AFDN: variants seen among roughly 807,000 people sequenced by gnomAD.
AFDN encodes the protein afadin, adherens junction formation factor.
A neutral mutation model predicts 216.6 loss-of-function variants in AFDN; 68 were observed. That is an observed-to-expected ratio of 0.31 (90% CI 0.26 to 0.38). AFDN has a LOEUF of 0.38. Among genes scored for constraint, AFDN ranks in the 10% least tolerant of loss-of-function variants. The pLI, the probability that AFDN is intolerant of heterozygous loss-of-function variation, is 1.00. For synonymous variants in AFDN, 868 were observed against 853.7 expected, an observed-to-expected ratio of 1.02 and a Z score of -0.29; for missense variants, 2,136 against 2,342.0, an observed-to-expected ratio of 0.91 and a Z score of 1.82.
chr6:167,874,733 A>T (rs926672867), intron 4 of AFDN, among the ~76,000 whole-genome samples: 1 of 150,290 alleles, frequency 6.7e-6, no homozygotes, highest in Non-Finnish European at 1.5e-5. Context: ...CTCCTGCCTC[A>T]GCCTCCCAAG....
chr6:167,871,199 TC>T (rs1562584672), intron 3 of AFDN, among the ~76,000 whole-genome samples: 1 of 151,650 alleles, frequency 6.6e-6, no homozygotes, highest in African/African-American at 2.4e-5. Context: ...ATGTCACTGT[TC>T]CATGTTGAAG....
At chr6:167,862,670 C>T (rs866564380) in intron 1 of AFDN, among the ~76,000 whole-genome samples, 5 of 152,168 alleles carry the variant, frequency 3.3e-5, no homozygotes, top group Admixed American at 6.5e-5. Flanking sequence ...CCACCGTGCC[C>T]GGCAGTTATA....
In AFDN at chr6:167,898,300, C is replaced by T. The variant is rs149965087; in HGVS notation, c.1413C>T (p.Tyr471=). The T allele has an allele frequency of 1.0e-4, 163 of 1,614,066 alleles. 2 individuals carry two copies. Among genetic ancestry groups the T allele is most frequent in the South Asian group, 1.9e-4 (17 of 91,082 alleles). The change falls in exon 11 of 34, where the codon TAC becomes TAT. Residue 471 remains tyrosine (Y), a synonymous_variant. Transcript: ENST00000683244. ...VTPRSMDAET[Y]VEGQRISETT... is the part of the protein sequence containing the mutation. ...CCAGAAGTATGGACGCAGAAACCTA[C>T]GTGGAAGGCCAGCGCATCTCAGAAA...
intron 21 of AFDN, among the ~76,000 whole-genome samples, chr6:167,921,999 C>T (rs1791880674): frequency 6.6e-6 from 1 of 152,162 alleles, no homozygotes; most frequent in Non-Finnish European, 1.5e-5. Context: ...CAGTCCAAGC[C>T]ATTAGACCAC....
chr6:167,939,689 C>T (rs1355763954), intron 23 of AFDN, among the ~76,000 whole-genome samples: 4 of 152,138 alleles, frequency 2.6e-5, no homozygotes, highest in African/African-American at 7.2e-5. Context: ...TAAAGTTATT[C>T]ATGAATCACA....
intron 1 of AFDN, among the ~76,000 whole-genome samples, chr6:167,852,412 A>T: frequency 6.6e-6 from 1 of 152,060 alleles, no homozygotes; most frequent in Middle Eastern, 3.2e-3. Context: ...TAGTGGTTTG[A>T]CATGTTTCTC....
chr6:167,826,837 C>CACGGCGGGCGGCGGCGCGCACG (rs1554272978), upstream of AFDN: 6 of 139,634 alleles, frequency 4.3e-5, no homozygotes, highest in Admixed American at 7.1e-5. Context: ...CGGCGGCGCG[C>CACGGCGGGCGGCGGCGCGCACG]ACGGCGGGCG....
chr6:167,880,548 T>C (rs200532763), intron 6 of AFDN, 31 bp downstream of exon 6: 4 of 1,597,186 alleles, frequency 2.5e-6, no homozygotes, highest in Middle Eastern at 1.7e-4. Flanking sequence ...AGTAGTTCTT[T>C]CTACTTCACA....
At chr6:167,930,874 T>A (rs922889713) in intron 23 of AFDN, among the ~76,000 whole-genome samples, 3 of 152,014 alleles carry the variant, frequency 2.0e-5, no homozygotes, top group African/African-American at 4.8e-5. Flanking sequence ...ATGATTAGAG[T>A]GCAGTTTTTA....
At chr6:167,931,815 C>T (rs957674746) in intron 23 of AFDN, among the ~76,000 whole-genome samples, 2 of 152,124 alleles carry the variant, frequency 1.3e-5, no homozygotes, top group African/African-American at 4.8e-5. Context: ...CTGCGTCTTA[C>T]TGAGCGTGTT....
upstream of AFDN, chr6:167,826,865 G>A (rs1242090204): frequency 6.9e-6 from 1 of 144,902 alleles, no homozygotes; most frequent in Non-Finnish European, 1.5e-5. Flanking sequence ...GCACGGCGGC[G>A]GGCGGGGCGC....
At chr6:167,893,379 A>C (rs1324355861) in intron 8 of AFDN, among the ~76,000 whole-genome samples, 2 of 152,190 alleles carry the variant, frequency 1.3e-5, no homozygotes, top group African/African-American at 4.8e-5. Flanking sequence ...TCCCCTGGGC[A>C]CATTGTCAGC....
intron 21 of AFDN, among the ~76,000 whole-genome samples, chr6:167,921,856 A>G (rs77312712): frequency 0.027 from 4,060 of 152,320 alleles, 73 homozygotes; most frequent in South Asian, 0.046. Context: ...TTTTAACTGA[A>G]TATGTTTTTG....
intron 4 of AFDN, among the ~76,000 whole-genome samples, chr6:167,872,867 T>C (rs959583266): frequency 9.2e-5 from 14 of 152,292 alleles, no homozygotes; most frequent in African/African-American, 3.4e-4. Flanking sequence ...ACCAGTTCCA[T>C]TGTAGATGGT....
rs1797169790 is a variant in AFDN at position 167,962,785 on chromosome 6, T to G, written c.4968+218T>G. On this transcript the variant is annotated intron_variant, in intron 31 of 33. Transcript: ENST00000683244. The surrounding 1 kb of genome is among the most constrained non-coding windows in gnomAD (Gnocchi z 5.2). ...CTCCAGATCCCCTTATCTGCCAAGT[T>G]TTGTCTCCTTCAAACTTCTGAACTC... 7.2e-7 allele frequency: 1 copy of G among 1,387,018 alleles called. No homozygotes were observed. The highest frequency in any genetic ancestry group is 9.3e-7 in the Non-Finnish European group (1 of 1,071,034). 85.9% of individuals were successfully genotyped at this position (1,387,018 alleles called of 1,614,324 possible).
rs1241733764 is a variant in AFDN, at chr6:167,889,111, A to G, written c.898-104A>G. On this transcript the variant is annotated intron_variant, in intron 6 of 33. Coordinates refer to ENST00000683244, the MANE Select transcript of AFDN (RefSeq NM_001386888.1). ...AGAATTGTTTCTAGTGCTTAATTCT[A>G]CGGTGACATTTTATTCATTCAAAAG... 8.5e-6 allele frequency: 6 copies of G among 701,844 alleles called. No homozygotes were observed. In the African/African-American group the frequency reaches 8.9e-5, roughly 10 times the overall value. 43.5% of individuals were successfully genotyped at this position (701,844 alleles called of 1,614,324 possible). A position where few individuals can be genotyped will look rare whatever the true frequency, so the allele number is the denominator to read the frequency against.
At chr6:167,929,402 A>G (rs938370917) in intron 23 of AFDN, among the ~76,000 whole-genome samples, 1 of 152,234 alleles carries the variant, frequency 6.6e-6, no homozygotes, top group South Asian at 2.1e-4. Context: ...ACATACAGTC[A>G]AAAAGATGGA....
intron 9 of AFDN, among the ~76,000 whole-genome samples, chr6:167,896,559 C>T (rs1788277784): frequency 6.6e-6 from 1 of 152,192 alleles, no homozygotes; most frequent in Non-Finnish European, 1.5e-5. Context: ...CATATTGCTA[C>T]TACAGTTGCT....
chr6:167,951,838 G>T lies in AFDN; in HGVS notation c.4484G>T (p.Arg1495Leu), dbSNP rs374480826. The T allele has an allele frequency of 6.2e-7, 1 of 1,613,992 alleles. No individual in the cohort carries two copies. Among genetic ancestry groups the T allele is most frequent in the East Asian group, 2.2e-5 (1 of 44,872 alleles). ...IRELQPQQQP[R>L]TIERRDLQYI... ...GAGCTGCAGCCTCAGCAGCAGCCCC[G>T]CACGATCGAGCGCAGAGACTTGCAG... Residue 1495 changes from arginine (R) to leucine (L), a missense_variant, in exon 30 of 34, where the codon CGC (arginine) becomes CTC (leucine). By Grantham distance (102) the Arg-to-Leu change is moderately radical. Around this residue, in one of 8 missense-constraint regions of AFDN, gnomAD observed 981 missense variants for 966.0 expected, o/e 1.02. Coordinates refer to ENST00000683244, the MANE Select transcript of AFDN (RefSeq NM_001386888.1). The surrounding 1 kb of genome is among the most constrained non-coding windows in gnomAD (Gnocchi z 7.1).
Sources: gnomAD v4.1 joint callset for allele counts (sites outside exome capture counted in the v4.1 genomes callset) on GRCh38, gnomAD v4.1.1 for gene constraint, gnomAD v4.1.1 regional missense constraint, Gnocchi (gnomAD v3.1) non-coding constraint, MANE v1.5 for transcripts, NCBI Gene and HGNC (gene_info 2026-07-23, HGNC 2026-07-21) for gene names.